The following TBX15 variants were observed in gnomAD, a reference collection of about 807,000 sequenced individuals.
The protein encoded by TBX15 is T-box transcription factor 15, also known as T-box transcription factor TBX15.
TBX15 carries 18 observed loss-of-function variants against 53.9 expected under a neutral mutation model. The ratio of observed to expected loss-of-function variants is 0.33; its 90% CI spans 0.23 to 0.49. The LOEUF is 0.49. Ranked by LOEUF, TBX15 falls within the 20% of genes least tolerant of loss-of-function variation. The pLI, the probability that TBX15 is intolerant of heterozygous loss-of-function variation, is 0.98. For synonymous variants in TBX15, 295 were observed against 278.0 expected (o/e 1.06, Z -0.61); for missense variants, 692 against 749.5 (o/e 0.92, Z 0.90).
Position 118,987,829 on chromosome 1 carries a change from C to G in TBX15, c.-34G>C. ...CCCACACCCCTGCCTCCGCTTGCCC[C>G]CGCTACCGAGGGAGCAGCCGGCGCC... On this transcript the variant is annotated 5_prime_UTR_variant, in exon 1 of 8. Transcript: ENST00000369429. 1.3e-6 allele frequency: 2 copies of G among 1,545,480 alleles called. No individual in the cohort carries two copies. The highest frequency in any genetic ancestry group is 1.2e-5 in the South Asian group (1 of 83,922).
At chr1:118,931,980 C>T in intron 1 of TBX15, 148 bp from the exon 2 acceptor site, 1 of 690,970 alleles carries the variant, frequency 1.4e-6, no homozygotes. Flanking sequence ...GAGCACAGCA[C>T]TCAGGGTATT....
At chr1:118,890,954 T>A in intron 7 of TBX15, 1 of 1,303,788 alleles carries the variant, frequency 7.7e-7, no homozygotes, top group South Asian at 1.2e-5. Flanking sequence ...CCTTGAGAAG[T>A]CTTCTTTGAG....
intron 5 of TBX15, among the ~76,000 whole-genome samples, chr1:118,919,211 C>T (rs1250380467): frequency 6.6e-6 from 1 of 152,190 alleles, no homozygotes; most frequent in Non-Finnish European, 1.5e-5. Context: ...CAAAAATCAA[C>T]GTTCAGCATT....
At chr1:118,987,489 A>C in intron 1 of TBX15, 102 bp downstream of exon 1, 3 of 1,335,534 alleles carry the variant, frequency 2.2e-6, no homozygotes, top group Non-Finnish European at 3.0e-6. Flanking sequence ...GGGGCAAGGC[A>C]GGGCGTCAAT....
chr1:118,902,781 G>C (rs746962571), intron 6 of TBX15, among the ~76,000 whole-genome samples: 1 of 152,060 alleles, frequency 6.6e-6, no homozygotes, highest in Non-Finnish European at 1.5e-5. Context: ...TCTTTTGAGA[G>C]TTCTTGCCAA....
In TBX15 at chr1:118,884,243, ACCC is replaced by A; in HGVS notation, c.*486_*488del. On this transcript the variant is annotated 3_prime_UTR_variant, in exon 8 of 8. Coordinates refer to ENST00000369429, the MANE Select transcript of TBX15 (RefSeq NM_001330677.2). ...ACACAGACAAATTCTTGGTGAAAGC[ACCC>A]ATTCTGGGCCTCCCTCCACAGAGTT... The A allele has an allele frequency of 1.2e-5, 2 of 170,442 alleles. No homozygotes were observed. 10.6% of individuals were successfully genotyped at this position (170,442 alleles called of 1,614,324 possible).
At chr1:118,929,024 A>C (rs1655694544) in intron 2 of TBX15, among the ~76,000 whole-genome samples, 1 of 152,224 alleles carries the variant, frequency 6.6e-6, no homozygotes, top group African/African-American at 2.4e-5. Context: ...GTGAAGTCAC[A>C]ACAGTCTAAA....
rs1657464631 is a variant in TBX15 at position 118,977,264 on chromosome 1, A to AT, written c.205+10326dup. ...GATAGAGTATTTTGTGAGTGTTTTG[A>AT]TATACATATAATTGTTATATACACA... On this transcript the variant is annotated intron_variant, in intron 1 of 7. Transcript: ENST00000369429. Among the ~76,000 whole-genome samples the AT allele has an allele frequency of 4.6e-5, 7 of 152,334 alleles. No individual in the cohort carries two copies. In the South Asian group the frequency reaches 1.4e-3, roughly 32 times the overall value.
intron 1 of TBX15, among the ~76,000 whole-genome samples, chr1:118,934,139 A>G (rs1330704761): frequency 6.6e-6 from 1 of 152,168 alleles, no homozygotes; most frequent in Non-Finnish European, 1.5e-5. Context: ...CATCAAATGA[A>G]TTAATGAATA....
intron 1 of TBX15, among the ~76,000 whole-genome samples, chr1:118,951,549 C>T (rs916194604): frequency 3.3e-5 from 5 of 152,196 alleles, no homozygotes; most frequent in Admixed American, 6.5e-5. Context: ...GGCAAGGTCT[C>T]CAAATGGTTC....
chr1:118,980,308 C>T (rs1474196718), intron 1 of TBX15, among the ~76,000 whole-genome samples: 2 of 152,100 alleles, frequency 1.3e-5, no homozygotes, highest in Admixed American at 6.5e-5. Flanking sequence ...AAAATCGGTT[C>T]ATCCAGTTGA....
chr1:118,893,898 C>G (rs1557873229), intron 7 of TBX15, among the ~76,000 whole-genome samples: 1 of 151,998 alleles, frequency 6.6e-6, no homozygotes, highest in Admixed American at 6.6e-5. Context: ...GTGTTTGGAT[C>G]CAGGGATTTA....
chr1:118,932,448 G>C (rs1032776338), intron 1 of TBX15, among the ~76,000 whole-genome samples: 1 of 152,002 alleles, frequency 6.6e-6, no homozygotes, highest in Non-Finnish European at 1.5e-5. Context: ...GTCTAATCAG[G>C]CCATTTTGGA....
rs150439425 is a variant in TBX15 at position 118,912,271 on chromosome 1, T to TGA, written c.926+1842_926+1843dup. On this transcript the variant is annotated intron_variant, in intron 6 of 7. Transcript: ENST00000369429. The stretch of plus-strand genomic sequence containing the variant: ...ACTAACACCAGTAGGTTGGAACCCT[T>TGA]GAGAGAGAGAGAGAGTTGTATCTAG... 1.7e-4 allele frequency among the ~76,000 whole-genome samples: 26 copies of TGA among 151,494 alleles called. 1 individual carries two copies. The highest frequency in any genetic ancestry group is 4.1e-4 in the African/African-American group (17 of 41,224).
chr1:118,891,413 C>A (rs1175293176), intron 7 of TBX15, among the ~76,000 whole-genome samples: 2 of 152,180 alleles, frequency 1.3e-5, no homozygotes, highest in African/African-American at 4.8e-5. Flanking sequence ...GCCTTCCTTG[C>A]TGCAGCATGC....
At chr1:118,984,182 AC>A (rs145820573) in intron 1 of TBX15, among the ~76,000 whole-genome samples, 2,167 of 152,250 alleles carry the variant, frequency 0.014, 49 homozygotes, top group African/African-American at 0.049. Flanking sequence ...AGAATGCGAG[AC>A]CTGCCACGTG....
intron 1 of TBX15, among the ~76,000 whole-genome samples, chr1:118,942,225 C>T (rs560357028): frequency 1.3e-5 from 2 of 152,230 alleles, no homozygotes; most frequent in African/African-American, 4.8e-5. Flanking sequence ...CTGGCAGAGG[C>T]GTGGCAATAA....
chr1:118,987,407 A>G (rs1439169548), intron 1 of TBX15, among the ~76,000 whole-genome samples, 184 bp downstream of exon 1: 1 of 152,264 alleles, frequency 6.6e-6, no homozygotes, highest in Non-Finnish European at 1.5e-5. Context: ...GGCTCAGTCC[A>G]GCCCCAAAAA....
At chr1:118,979,034 T>A (rs1657546307) in intron 1 of TBX15, among the ~76,000 whole-genome samples, 2 of 152,156 alleles carry the variant, frequency 1.3e-5, no homozygotes, top group Non-Finnish European at 2.9e-5. Context: ...AGGTTTACAA[T>A]TCGGAGCCCT....
Sources: gnomAD v4.1 joint callset for allele counts (sites outside exome capture counted in the v4.1 genomes callset) on GRCh38, gnomAD v4.1.1 for gene constraint, MANE v1.5 for transcripts, NCBI Gene and HGNC (gene_info 2026-07-23, HGNC 2026-07-21) for gene names.